GLIS1: variants seen among roughly 807,000 people sequenced by gnomAD.
GLIS1 encodes GLIS family zinc finger 1, also known as zinc finger protein GLIS1.
GLIS1 carries 24 observed loss-of-function variants against 63.8 expected under a neutral mutation model. The observed-to-expected ratio is 0.38, with a 90% CI of 0.27 to 0.53. The LOEUF is 0.53. GLIS1 is among the 20% of genes least tolerant of loss of function. The probability of loss-of-function intolerance (pLI) is 0.85; values close to 1 mark genes in which losing one functional copy is unlikely to be tolerated. For synonymous variants in GLIS1, 450 were observed against 482.5 expected (o/e 0.93, Z 0.88); for missense variants, 1,036 against 1,074.1 (o/e 0.96, Z 0.50).
rs188494861 is a variant in GLIS1, at chr1:53,526,942, G to A, written c.1483-2055C>T. Among the ~76,000 whole-genome samples the A allele has an allele frequency of 1.3e-5, 2 of 152,246 alleles. No individual in the cohort carries two copies. The highest frequency in any genetic ancestry group is 2.9e-5 in the Non-Finnish European group (2 of 68,038). On this transcript the variant is annotated intron_variant, in intron 5 of 10. Transcript: ENST00000628545. The surrounding 1 kb of genome is among the most constrained non-coding windows in gnomAD (Gnocchi z 4.4). ...AGCGCCGGGCGGCCTCCCTCTGTCT[G>A]TAATGAGGACGCTCCGGGTGAGTCT...
At position 53,520,737 on chromosome 1, in the gene GLIS1, G is replaced by T. The variant is rs372024955; in HGVS notation, c.1623C>A (p.Asp541Glu). The T allele has an allele frequency of 5.0e-6, 8 of 1,607,284 alleles. No homozygotes were observed. The highest frequency in any genetic ancestry group is 2.2e-5 in the East Asian group (1 of 44,658). Reference protein sequence around the residue: ...KLHAGPDTEADVLTECLVLQQ... With the variant: ...KLHAGPDTEAEVLTECLVLQQ... ...GCAGGACCAGACACTCGGTCAGGAC[G>T]TCGGCCTCGGTGTCAGGGCCCGCAT... Residue 541 changes from aspartate to glutamate, a missense_variant, in exon 7 of 11, where the codon GAC becomes GAA. By Grantham distance (45) the Asp-to-Glu change is conservative. This residue lies in a region of GLIS1 where 400 missense variants were observed against 400.9 expected (regional missense o/e 1.00). Transcript: ENST00000628545.
At chr1:53,538,076 C>CTGGCTGGCCTGAGG (rs1316316781) in intron 4 of GLIS1, among the ~76,000 whole-genome samples, 15 of 152,268 alleles carry the variant, frequency 9.9e-5, no homozygotes, top group East Asian at 3.8e-4. Flanking sequence ...GGAGGGGCCG[C>CTGGCTGGCCTGAGG]TGGCTGGCCT....
chr1:53,536,246 T>C (rs1396186648), intron 4 of GLIS1, among the ~76,000 whole-genome samples: 2 of 151,738 alleles, frequency 1.3e-5, no homozygotes, highest in African/African-American at 4.9e-5. Context: ...TCCCACACCA[T>C]GGGAACAGAG....
intron 2 of GLIS1, among the ~76,000 whole-genome samples, chr1:53,692,424 G>A (rs917776961): frequency 2.0e-5 from 3 of 152,202 alleles, no homozygotes; most frequent in Non-Finnish European, 4.4e-5. Context: ...CCTGAAGGAC[G>A]TAACGATAAC....
intron 4 of GLIS1, 55 bp from the exon 5 acceptor site, chr1:53,530,007 C>A: frequency 6.4e-7 from 1 of 1,555,150 alleles, no homozygotes. Context: ...CCCAACCCTG[C>A]ATGGAAACTA....
At chr1:53,709,419 C>T (rs773252824) in intron 2 of GLIS1, among the ~76,000 whole-genome samples, 3,768 of 123,574 alleles carry the variant, frequency 0.03, 127 homozygotes, top group South Asian at 0.063. Flanking sequence ...TATACACACA[C>T]ACACACACAC....
At chr1:53,735,277 C>G (rs1176492693) in intron 2 of GLIS1, among the ~76,000 whole-genome samples, 1 of 152,252 alleles carries the variant, frequency 6.6e-6, no homozygotes, top group Non-Finnish European at 1.5e-5. Context: ...TTCCTTCTCA[C>G]TCTGTCCCCT....
At chr1:53,678,757 G>T (rs1465548372) in intron 2 of GLIS1, among the ~76,000 whole-genome samples, 1 of 152,218 alleles carries the variant, frequency 6.6e-6, no homozygotes, top group Non-Finnish European at 1.5e-5. Flanking sequence ...CGGGAGCAGA[G>T]CAAGAGTGAG....
At chr1:53,540,937 A>G (rs1381380545) in intron 4 of GLIS1, among the ~76,000 whole-genome samples, 1 of 152,232 alleles carries the variant, frequency 6.6e-6, no homozygotes, top group African/African-American at 2.4e-5. Context: ...GAGTGGGTGG[A>G]AAGAACCTGC....
At position 53,730,065 on chromosome 1, in the gene GLIS1, G is replaced by GCAA. The variant is rs150472805; in HGVS notation, c.259+7740_259+7741insTTG. Among the ~76,000 whole-genome samples, 454 of 152,244 alleles carry GCAA rather than the reference G, an allele frequency of 3.0e-3. 1 individual carries two copies. Among genetic ancestry groups the GCAA allele is most frequent in the Admixed American group, 4.9e-3 (75 of 15,288 alleles). On this transcript the variant is annotated intron_variant, in intron 2 of 10. Transcript: ENST00000628545. ...TTATATTATCATTCTCTGCCTTGAGGGTTGGACTTGAGACTGCTGAAGCTA... is the reference window on the plus strand; with the variant it reads ...TTATATTATCATTCTCTGCCTTGAGGCAAGTTGGACTTGAGACTGCTGAAGCTA...
chr1:53,527,069 T>C (rs1644478220), intron 5 of GLIS1, among the ~76,000 whole-genome samples: 1 of 152,234 alleles, frequency 6.6e-6, no homozygotes, highest in Non-Finnish European at 1.5e-5. Context: ...GCCATCTCCC[T>C]GAGCCCACAC....
chr1:53,731,644 A>G (rs1487008592), intron 2 of GLIS1, among the ~76,000 whole-genome samples: 1 of 152,134 alleles, frequency 6.6e-6, no homozygotes, highest in Non-Finnish European at 1.5e-5. Flanking sequence ...CAGTCCCCCC[A>G]TCTTTAAAAT....
intron 4 of GLIS1, among the ~76,000 whole-genome samples, chr1:53,561,417 C>A (rs1489403689): frequency 6.6e-6 from 1 of 152,254 alleles, no homozygotes; most frequent in African/African-American, 2.4e-5. Context: ...TCAGCCTACA[C>A]TGTAAATCAG....
At chr1:53,533,904 A>G (rs1479623031) in intron 4 of GLIS1, among the ~76,000 whole-genome samples, 1 of 152,088 alleles carries the variant, frequency 6.6e-6, no homozygotes, top group Non-Finnish European at 1.5e-5. Context: ...GTGGCACCTT[A>G]TCTTCTTCAC....
chr1:53,597,157 G>A (rs1373623288), intron 3 of GLIS1, among the ~76,000 whole-genome samples: 37 of 123,726 alleles, frequency 3.0e-4, no homozygotes, highest in African/African-American at 1.1e-3. Flanking sequence ...TGCTTGGCCT[G>A]GTGAAACCCT....
At chr1:53,661,853 G>A (rs1293248900) in intron 2 of GLIS1, among the ~76,000 whole-genome samples, 3 of 152,206 alleles carry the variant, frequency 2.0e-5, no homozygotes, top group Admixed American at 6.5e-5. Context: ...AGAACTCAGT[G>A]AAGAGTCATT....
chr1:53,597,228 C>T (rs1645266914), intron 3 of GLIS1, among the ~76,000 whole-genome samples: 1 of 135,454 alleles, frequency 7.4e-6, no homozygotes, highest in Non-Finnish European at 1.5e-5. Context: ...AAAAAATTAG[C>T]CGGGTGTGGT....
chr1:53,620,470 C>T (rs1645531042), intron 2 of GLIS1, among the ~76,000 whole-genome samples: 1 of 152,248 alleles, frequency 6.6e-6, no homozygotes, highest in Non-Finnish European at 1.5e-5. Context: ...TGGGGCAGCT[C>T]ACTGCCAAGC....
chr1:53,522,853 G>T (rs1380500832), intron 6 of GLIS1, among the ~76,000 whole-genome samples: 1 of 152,090 alleles, frequency 6.6e-6, no homozygotes, highest in African/African-American at 2.4e-5. Flanking sequence ...GTTGGAGGCT[G>T]CCATGAGCCA....
Sources: allele counts gnomAD v4.1 joint callset (sites outside exome capture counted in the v4.1 genomes callset), GRCh38; gene constraint gnomAD v4.1.1; regional missense constraint gnomAD v4.1.1; non-coding constraint Gnocchi (gnomAD v3.1); transcripts MANE v1.5; gene names NCBI Gene and HGNC (gene_info 2026-07-23, HGNC 2026-07-21).